Variants in EPHA3 observed in about 807,000 individuals in gnomAD.
The protein encoded by EPHA3 is EPH receptor A3.
A neutral mutation model predicts 107.1 loss-of-function variants in EPHA3; 42 were observed. The observed-to-expected ratio is 0.39, with a 90% CI of 0.31 to 0.51. The LOEUF is 0.51. Ranked by LOEUF, EPHA3 falls within the 20% of genes least tolerant of loss-of-function variation. The pLI, the probability that EPHA3 is intolerant of heterozygous loss-of-function variation, is 0.78. For synonymous variants in EPHA3, 461 were observed against 424.8 expected (o/e 1.09, Z -1.05); for missense variants, 1,183 against 1,211.2 (o/e 0.98, Z 0.35).
chr3:89,140,868 T>C (rs2107015396), intron 2 of EPHA3, among the ~76,000 whole-genome samples: 1 of 151,868 alleles, frequency 6.6e-6, no homozygotes, highest in Middle Eastern at 3.4e-3. Flanking sequence ...TCCTGCTGTG[T>C]ACTAGGTACT....
At chr3:89,313,413 G>GT (rs1249140718) in intron 3 of EPHA3, among the ~76,000 whole-genome samples, 19 of 151,882 alleles carry the variant, frequency 1.3e-4, no homozygotes, top group Admixed American at 5.3e-4. Flanking sequence ...TCGTTCTTCT[G>GT]TTTTTCCTTT....
intron 1 of EPHA3, among the ~76,000 whole-genome samples, chr3:89,113,798 G>C (rs1707182824): frequency 1.3e-5 from 2 of 151,548 alleles, no homozygotes; most frequent in Non-Finnish European, 2.9e-5. Flanking sequence ...TTTTTTCCCA[G>C]AAGAAAATAT....
At chr3:89,138,471 A>G (rs529889153) in intron 2 of EPHA3, among the ~76,000 whole-genome samples, 1 of 151,972 alleles carries the variant, frequency 6.6e-6, no homozygotes, top group Admixed American at 6.6e-5. Flanking sequence ...ACAGAATTGG[A>G]AAGTCCCTGT....
At chr3:89,161,076 G>C (rs1454370547) in intron 2 of EPHA3, among the ~76,000 whole-genome samples, 1 of 152,062 alleles carries the variant, frequency 6.6e-6, no homozygotes, top group Admixed American at 6.6e-5. Flanking sequence ...CTCACATCAC[G>C]CAGCTTCTAA....
intron 16 of EPHA3, among the ~76,000 whole-genome samples, chr3:89,476,376 A>AT (rs1049579364): frequency 2.0e-4 from 29 of 147,176 alleles, no homozygotes; most frequent in South Asian, 4.2e-4. Flanking sequence ...TCAGCATCAC[A>AT]TTTTTTTTTC....
chr3:89,125,002 G>T (rs9811026), intron 1 of EPHA3, among the ~76,000 whole-genome samples: 144,627 of 151,926 alleles, frequency 0.95, 68,915 homozygotes, highest in African/African-American at 0.98. Flanking sequence ...CAGAAGAAAC[G>T]TAAGGATATG....
At chr3:89,387,112 C>A (rs776483896) in intron 5 of EPHA3, among the ~76,000 whole-genome samples, 13 of 152,064 alleles carry the variant, frequency 8.5e-5, no homozygotes, top group Non-Finnish European at 1.8e-4. Flanking sequence ...CTTTGGGGAC[C>A]ATTGGAAGGG....
intron 15 of EPHA3, among the ~76,000 whole-genome samples, chr3:89,459,707 G>C (rs1317103240): frequency 6.6e-6 from 1 of 152,008 alleles, no homozygotes; most frequent in East Asian, 1.9e-4. Context: ...ATTCTTAGTG[G>C]AGATGGGGTT....
chr3:89,163,819 T>C (rs370124272), intron 2 of EPHA3, among the ~76,000 whole-genome samples: 7 of 152,108 alleles, frequency 4.6e-5, no homozygotes, highest in South Asian at 2.1e-4. Context: ...GATGATGGTA[T>C]GGGGAAGGAA....
intron 3 of EPHA3, among the ~76,000 whole-genome samples, chr3:89,324,829 T>A (rs189372053): frequency 3.3e-5 from 5 of 152,280 alleles, no homozygotes; most frequent in African/African-American, 1.2e-4. Flanking sequence ...AATACCCACT[T>A]AATTTTTAAA....
At chr3:89,219,695 T>TTTTTC (rs1559606322) in intron 3 of EPHA3, among the ~76,000 whole-genome samples, 1 of 12,344 alleles carries the variant, frequency 8.1e-5, no homozygotes, top group African/African-American at 2.9e-4. Context: ...AATGTTTTTT[T>TTTTTC]TTTTTTTGTT....
At chr3:89,243,562 A>C (rs930343629) in intron 3 of EPHA3, among the ~76,000 whole-genome samples, 30 of 152,242 alleles carry the variant, frequency 2.0e-4, no homozygotes, top group African/African-American at 7.0e-4. Context: ...TCTTTTGAGA[A>C]GTGTCTGTTC....
chr3:89,357,381 T>C (rs1337631480), intron 5 of EPHA3, among the ~76,000 whole-genome samples: 1 of 150,932 alleles, frequency 6.6e-6, no homozygotes, highest in African/African-American at 2.4e-5. Flanking sequence ...TTTAATAGAT[T>C]CACTGTAATT....
chr3:89,183,758 T>C (rs1256011815), intron 2 of EPHA3, among the ~76,000 whole-genome samples: 1 of 152,000 alleles, frequency 6.6e-6, no homozygotes, highest in Non-Finnish European at 1.5e-5. Context: ...ATACTTTGTT[T>C]AATGGCTCAA....
At chr3:89,265,547 TTTAAA>T (rs1225460386) in intron 3 of EPHA3, among the ~76,000 whole-genome samples, 3 of 152,208 alleles carry the variant, frequency 2.0e-5, no homozygotes, top group African/African-American at 7.2e-5. Context: ...GCTTTTATTA[TTTAAA>T]TTAATTTATA....
chr3:89,294,405 G>A lies in EPHA3; in HGVS notation c.815-46511G>A, dbSNP rs538788746. ...ACAGTTAAAAATGCATTACTAAATTGAAGTAGCCCAATGCTCTTCACATTT... is the reference window on the plus strand; with the variant it reads ...ACAGTTAAAAATGCATTACTAAATTAAAGTAGCCCAATGCTCTTCACATTT... On this transcript the variant is annotated intron_variant, in intron 3 of 16. Transcript: ENST00000336596. Among the ~76,000 whole-genome samples, 793 of 152,158 alleles carry A rather than the reference G, an allele frequency of 5.2e-3. 5 individuals are homozygous for A. Among genetic ancestry groups the A allele is most frequent in the Non-Finnish European group, 6.5e-3 (441 of 67,980 alleles).
intron 3 of EPHA3, among the ~76,000 whole-genome samples, chr3:89,307,237 A>G (rs1706645002): frequency 6.6e-6 from 1 of 152,160 alleles, no homozygotes; most frequent in Non-Finnish European, 1.5e-5. Context: ...TTCAAGAAGG[A>G]AACATAAACT....
At chr3:89,476,102 T>C (rs1710499106) in intron 16 of EPHA3, among the ~76,000 whole-genome samples, 1 of 147,952 alleles carries the variant, frequency 6.8e-6, no homozygotes, top group African/African-American at 2.5e-5. Flanking sequence ...TTATATGTAG[T>C]ATATTTATAT....
chr3:89,310,011 T>C (rs1706725801), intron 3 of EPHA3, among the ~76,000 whole-genome samples: 1 of 152,056 alleles, frequency 6.6e-6, no homozygotes, highest in Admixed American at 6.6e-5. Context: ...AAGATTCTTA[T>C]ACCAAGTCAG....
Sources: allele counts gnomAD v4.1 joint callset (sites outside exome capture counted in the v4.1 genomes callset), GRCh38; gene constraint gnomAD v4.1.1; transcripts MANE v1.5; gene names NCBI Gene and HGNC (gene_info 2026-07-23, HGNC 2026-07-21).